The following DOCK1 variants were observed in gnomAD, a reference collection of about 807,000 sequenced individuals.
The protein encoded by DOCK1 is dedicator of cytokinesis 1, also known as dedicator of cytokinesis protein 1.
In DOCK1, 138 loss-of-function variants were observed where a neutral mutation model predicts 262.7. The ratio of observed to expected loss-of-function variants is 0.53; its 90% CI spans 0.46 to 0.61. DOCK1 has a LOEUF of 0.61. Among genes scored for constraint, DOCK1 ranks in the 20% least tolerant of loss-of-function variants. The pLI is 0.00. For synonymous variants in DOCK1, 866 were observed against 867.4 expected, an observed-to-expected ratio of 1.00 and a Z score of 0.03; for missense variants, 1,908 against 2,370.7, an observed-to-expected ratio of 0.80 and a Z score of 4.05.
intron 1 of DOCK1, among the ~76,000 whole-genome samples, chr10:126,954,682 C>T (rs1022472367): frequency 2.0e-5 from 3 of 152,318 alleles, no homozygotes; most frequent in South Asian, 2.1e-4. Context: ...TAGGATCACA[C>T]GCTTCTGTCC....
At chr10:127,322,308 G>C (rs912770052) in intron 29 of DOCK1, among the ~76,000 whole-genome samples, 3 of 150,208 alleles carry the variant, frequency 2.0e-5, no homozygotes, top group Non-Finnish European at 4.4e-5. Context: ...TCCCGCCTTA[G>C]CCTCCTAAGT....
chr10:127,156,912 C>T (rs2053142243), intron 27 of DOCK1, among the ~76,000 whole-genome samples: 1 of 152,118 alleles, frequency 6.6e-6, no homozygotes, highest in Non-Finnish European at 1.5e-5. Flanking sequence ...GACTTTACTG[C>T]AGTCACTTTG....
chr10:127,237,600 G>C (rs1435526210), intron 27 of DOCK1, among the ~76,000 whole-genome samples: 1 of 152,146 alleles, frequency 6.6e-6, no homozygotes, highest in Non-Finnish European at 1.5e-5. Context: ...AAGCCCTCTA[G>C]TTATATTTTA....
chr10:127,409,411 T>C lies in DOCK1; in HGVS notation c.4343+20T>C. Reference sequence around the variant, plus strand: ...TGTAAGGTAATAATCCCATTTTTCTTACCCAACGTGAGGGTTGTAAGAGGC... The same window carrying C: ...TGTAAGGTAATAATCCCATTTTTCTCACCCAACGTGAGGGTTGTAAGAGGC... On this transcript the variant is annotated intron_variant, in intron 42 of 51. Coordinates refer to ENST00000623213, the MANE Select transcript of DOCK1 (RefSeq NM_001290223.2). 6.2e-7 allele frequency: 1 copy of C among 1,612,656 alleles called. No homozygotes were observed. Among genetic ancestry groups the C allele is most frequent in the South Asian group, 1.1e-5 (1 of 91,050 alleles).
chr10:126,945,781 C>T (rs1020053444), intron 1 of DOCK1, among the ~76,000 whole-genome samples: 5 of 152,206 alleles, frequency 3.3e-5, no homozygotes, highest in Non-Finnish European at 5.9e-5. Context: ...GTATGGCTGG[C>T]GGTCGTGAGC....
chr10:127,410,797 T>G, intron 42 of DOCK1, 43 bp from the exon 43 acceptor site: 1 of 1,593,130 alleles, frequency 6.3e-7, no homozygotes, highest in South Asian at 1.1e-5. Flanking sequence ...AAATTGGCTA[T>G]TTGCCGGGTT....
At chr10:127,447,670 A>C (rs2070674158) in intron 51 of DOCK1, 125 bp downstream of exon 51, 1 of 1,421,522 alleles carries the variant, frequency 7.0e-7, no homozygotes, top group African/African-American at 1.4e-5. Context: ...ACCATGTATG[A>C]TGGGCCCGGG....
chr10:127,124,505 A>G (rs1473874122), intron 25 of DOCK1, among the ~76,000 whole-genome samples: 1 of 152,200 alleles, frequency 6.6e-6, no homozygotes, highest in African/African-American at 2.4e-5. Context: ...TTCACCTTTC[A>G]TTGTATTTGT....
At chr10:127,051,548 T>C (rs1234413378) in intron 21 of DOCK1, among the ~76,000 whole-genome samples, 1 of 152,178 alleles carries the variant, frequency 6.6e-6, no homozygotes, top group Admixed American at 6.5e-5. Context: ...TGTTGTAAAA[T>C]ACACATAACA....
chr10:127,329,843 G>A (rs1417026871), intron 29 of DOCK1, among the ~76,000 whole-genome samples: 2 of 152,208 alleles, frequency 1.3e-5, no homozygotes, highest in East Asian at 3.9e-4. Context: ...GAGAGTGGGT[G>A]GCCTTATGAT....
At chr10:127,430,505 G>A (rs539236780) in intron 47 of DOCK1, among the ~76,000 whole-genome samples, 7 of 152,294 alleles carry the variant, frequency 4.6e-5, no homozygotes, top group African/African-American at 1.7e-4. Flanking sequence ...AGCTGATGGT[G>A]CAGTTGTGTC....
chr10:127,251,677 C>T (rs1477505220), intron 28 of DOCK1, among the ~76,000 whole-genome samples: 1 of 150,572 alleles, frequency 6.6e-6, no homozygotes, highest in South Asian at 2.1e-4. Flanking sequence ...TGATGATTTC[C>T]AATTTCATCC....
intron 38 of DOCK1, among the ~76,000 whole-genome samples, chr10:127,389,038 G>T (rs749792503): frequency 2.6e-5 from 4 of 152,150 alleles, no homozygotes; most frequent in Non-Finnish European, 4.4e-5. Flanking sequence ...AAACTTGTTG[G>T]GCCTCAATCC....
intron 29 of DOCK1, among the ~76,000 whole-genome samples, chr10:127,308,552 A>G (rs1186474341): frequency 1.3e-5 from 2 of 152,152 alleles, no homozygotes; most frequent in Non-Finnish European, 2.9e-5. Flanking sequence ...CCCCACATGC[A>G]TTAGCTATTT....
chr10:127,339,039 T>C lies in DOCK1; in HGVS notation c.3078T>C (p.Asp1026=). ...TGCGAGCAATTAATCAGTATGCAGA[T>C]ATGCTGAACAAAAAATTTCTGGATC... ...VFLRAINQYA[D]MLNKKFLDQA... is the part of the protein sequence containing the mutation. The change falls in exon 30 of 52, where the codon GAT becomes GAC. Residue 1026 remains aspartate (D), a synonymous_variant. Transcript: ENST00000623213. The C allele has an allele frequency of 6.3e-7, 1 of 1,583,380 alleles. No homozygotes were observed. The highest frequency in any genetic ancestry group is 1.3e-5 in the African/African-American group (1 of 74,396).
At chr10:126,946,748 T>C (rs1381187489) in intron 1 of DOCK1, among the ~76,000 whole-genome samples, 10 of 152,188 alleles carry the variant, frequency 6.6e-5, no homozygotes, top group African/African-American at 2.4e-4. Context: ...ACGTCAACAC[T>C]TCCTTGCTCT....
intron 23 of DOCK1, among the ~76,000 whole-genome samples, chr10:127,067,726 A>G (rs973994862): frequency 5.9e-5 from 9 of 152,016 alleles, no homozygotes; most frequent in African/African-American, 1.2e-4. Context: ...ATGGATCTCA[A>G]CCTGCACTGG....
At chr10:127,436,845 CT>C (rs143611931) in intron 48 of DOCK1, among the ~76,000 whole-genome samples, 3 of 151,044 alleles carry the variant, frequency 2.0e-5, no homozygotes, top group Admixed American at 6.6e-5. Context: ...ATTGTCATGT[CT>C]TTTTTTTTAG....
Position 127,421,850 on chromosome 10 carries a change from G to A in DOCK1, c.4776+2101G>A, listed in dbSNP as rs911386309. Among the ~76,000 whole-genome samples the A allele has an allele frequency of 1.1e-4, 17 of 152,156 alleles. No homozygotes were observed. In the East Asian group the frequency reaches 1.2e-3, roughly 10 times the overall value. On this transcript the variant is annotated intron_variant, in intron 46 of 51. Coordinates refer to ENST00000623213, the MANE Select transcript of DOCK1 (RefSeq NM_001290223.2). ...TAATACTCCATTATAGGGCTAGACC[G>A]CAATGTGTTTCTCCACGGATCTGTC...
Sources: gnomAD v4.1 joint callset for allele counts (sites outside exome capture counted in the v4.1 genomes callset) on GRCh38, gnomAD v4.1.1 for gene constraint, MANE v1.5 for transcripts, NCBI Gene and HGNC (gene_info 2026-07-23, HGNC 2026-07-21) for gene names.